Variants in TRDMT1 observed in about 807,000 individuals in gnomAD.
TRDMT1 encodes tRNA (cytosine(38)-C(5))-methyltransferase.
Under a neutral mutation model 51.2 loss-of-function variants are expected in TRDMT1, and 49 were observed. The ratio of observed to expected loss-of-function variants is 0.96; its 90% CI spans 0.76 to 1.21. The LOEUF is 1.21. Ranked by LOEUF, TRDMT1 falls within the 50% of genes most tolerant of loss-of-function variation. The probability of loss-of-function intolerance (pLI) is 0.00; values close to 1 mark genes in which losing one functional copy is unlikely to be tolerated. For synonymous variants in TRDMT1, 187 were observed against 164.6 expected (o/e 1.14, Z -1.04); for missense variants, 534 against 462.3 (o/e 1.16, Z -1.42).
At chr10:17,178,473 T>A (rs1842881008) in intron 1 of TRDMT1, among the ~76,000 whole-genome samples, 1 of 152,086 alleles carries the variant, frequency 6.6e-6, no homozygotes, top group Admixed American at 6.6e-5. Flanking sequence ...GTTCGGAGTT[T>A]GAGACCAGCC....
Position 17,148,181 on chromosome 10 carries a change from T to A in TRDMT1, c.*859A>T. The A allele has an allele frequency of 1.0e-6, 1 of 985,286 alleles. No individual in the cohort carries two copies. The highest frequency in any genetic ancestry group is 1.2e-6 in the Non-Finnish European group (1 of 829,918). The allele number at this position is 985,286 out of a possible 1,614,324, so 61.0% of individuals were successfully genotyped here. A position where few individuals can be genotyped will look rare whatever the true frequency, so the allele number is the denominator to read the frequency against. ...AAAAGTCATAAAAGTTCATTGAGAG[T>A]GTATGTTGCTACAATAAAGAACAAC... On this transcript the variant is annotated 3_prime_UTR_variant, in exon 11 of 11. Transcript: ENST00000377799.
At chr10:17,162,488 C>T (rs116171203) in intron 3 of TRDMT1, among the ~76,000 whole-genome samples, 8 of 152,272 alleles carry the variant, frequency 5.3e-5, no homozygotes, top group South Asian at 4.1e-4. Context: ...AGGTGGATCA[C>T]GTGAGGCCAG....
At position 17,139,260 on chromosome 10, in the gene TRDMT1, G is replaced by A. The variant is rs754250812; in HGVS notation, c.*9780C>T. On this transcript the variant is annotated 3_prime_UTR_variant, in exon 11 of 11. Coordinates refer to ENST00000377799, the MANE Select transcript of TRDMT1 (RefSeq NM_004412.7). ...ACCCCTAAAATTCCCCAAACAAGGC[G>A]GTGAAGTTAAATATTTAGACACCAT... The A allele has an allele frequency of 1.3e-4, 126 of 965,562 alleles. No homozygotes were observed. Among genetic ancestry groups the A allele is most frequent in the East Asian group, 3.4e-4 (3 of 8,706 alleles). The allele number at this position is 965,562 out of a possible 1,614,324, so 59.8% of individuals were successfully genotyped here.
chr10:17,189,610 G>C (rs2131595250), intron 1 of TRDMT1, among the ~76,000 whole-genome samples: 1 of 152,128 alleles, frequency 6.6e-6, no homozygotes, highest in Middle Eastern at 3.4e-3. Context: ...GAGAACACAA[G>C]AAAAACATCC....
At chr10:17,163,821 A>G (rs1055467201) in intron 3 of TRDMT1, among the ~76,000 whole-genome samples, 1 of 152,242 alleles carries the variant, frequency 6.6e-6, no homozygotes, top group East Asian at 1.9e-4. Flanking sequence ...AACCAGGAAG[A>G]AGTTGAATCT....
chr10:17,157,556 C>T lies in TRDMT1; in HGVS notation c.772G>A (p.Glu258Lys). The change falls in exon 8 of 11, where the codon GAA (glutamate) becomes AAA (lysine). Residue 258 changes from glutamate to lysine, a missense_variant. Transcript: ENST00000377799. ...LSVKMLKDFL[E>K]DDTDVNQYLL... is the part of the protein sequence containing the mutation. Reference sequence around the variant, plus strand: ...TACTGGTTCACGTCAGTGTCATCTTCAAGAAAATCTTTTAGCATTTTCACA... The same window carrying T: ...TACTGGTTCACGTCAGTGTCATCTTTAAGAAAATCTTTTAGCATTTTCACA... 6.2e-7 allele frequency: 1 copy of T among 1,614,072 alleles called. No homozygotes were observed. Among genetic ancestry groups the T allele is most frequent in the Non-Finnish European group, 8.5e-7 (1 of 1,179,968 alleles).
chr10:17,152,326 C>A (rs1006775397), intron 10 of TRDMT1, among the ~76,000 whole-genome samples: 1 of 152,014 alleles, frequency 6.6e-6, no homozygotes, highest in Non-Finnish European at 1.5e-5. Context: ...CTGGTTGCTG[C>A]GACTACACTC....
In TRDMT1 at chr10:17,141,951, G is replaced by A. The variant is rs1434973693; in HGVS notation, c.*7089C>T. 1.3e-5 allele frequency among the ~76,000 whole-genome samples: 2 copies of A among 152,132 alleles called. No homozygotes were observed. The highest frequency in any genetic ancestry group is 4.8e-5 in the African/African-American group (2 of 41,436). On this transcript the variant is annotated 3_prime_UTR_variant, in exon 11 of 11. Transcript: ENST00000377799. The stretch of plus-strand genomic sequence containing the variant: ...TGTTTTCTATTTTGGTTATTTTTCA[G>A]TTACATAACTGCCATTTATTTCTAT...
At chr10:17,168,958 C>A (rs752813541) in intron 2 of TRDMT1, 41 bp from the exon 3 acceptor site, 17 of 1,356,546 alleles carry the variant, frequency 1.3e-5, no homozygotes, top group East Asian at 2.3e-5. Flanking sequence ...AACATAAAAA[C>A]ATGGATAGAA....
At chr10:17,176,868 T>C (rs955620710) in intron 1 of TRDMT1, among the ~76,000 whole-genome samples, 8 of 152,172 alleles carry the variant, frequency 5.3e-5, no homozygotes, top group African/African-American at 1.9e-4. Context: ...GTTACATATA[T>C]AGATTTTGAA....
intron 1 of TRDMT1, among the ~76,000 whole-genome samples, chr10:17,194,781 A>G (rs753649776): frequency 3.9e-5 from 6 of 151,948 alleles, no homozygotes; most frequent in Non-Finnish European, 7.4e-5. Flanking sequence ...AAAAATACAA[A>G]AATTAGCCAA....
rs544968150 is a variant in TRDMT1 at position 17,194,659 on chromosome 10, G to A, written c.64+6912C>T. Among the ~76,000 whole-genome samples the A allele has an allele frequency of 9.1e-4, 139 of 152,060 alleles. 1 individual carries two copies. Among genetic ancestry groups the A allele is most frequent in the African/African-American group, 3.1e-3 (128 of 41,494 alleles). On this transcript the variant is annotated intron_variant, in intron 1 of 10. Transcript: ENST00000377799. ...TTAAAAAGTCAATAAAAAGCTAGGC[G>A]TGATGGCTCATGCCTGTAATCCCAG...
chr10:17,193,323 ACTGCACTCC>A (rs368959812), intron 1 of TRDMT1, among the ~76,000 whole-genome samples: 43,179 of 151,918 alleles, frequency 0.28, 6,354 homozygotes, highest in Middle Eastern at 0.38. Context: ...AGATTAAGCC[ACTGCACTCC>A]ACCCTGGGTG....
Position 17,142,654 on chromosome 10 carries a change from T to A in TRDMT1, c.*6386A>T, listed in dbSNP as rs1201760535. 6.6e-6 allele frequency: 1 copy of A among 152,272 alleles called. No homozygotes were observed. Among genetic ancestry groups the A allele is most frequent in the Non-Finnish European group, 1.5e-5 (1 of 68,092 alleles). 9.4% of individuals were successfully genotyped at this position (152,272 alleles called of 1,614,324 possible). A position where few individuals can be genotyped will look rare whatever the true frequency, so the allele number is the denominator to read the frequency against. On this transcript the variant is annotated 3_prime_UTR_variant, in exon 11 of 11. Transcript: ENST00000377799. ...CCGTGCTGGTAGAGCCAGACTCATCTGGTATTACCGACCAGACTTCAGTTC... is the reference window on the plus strand; with the variant it reads ...CCGTGCTGGTAGAGCCAGACTCATCAGGTATTACCGACCAGACTTCAGTTC...
chr10:17,147,190 A>T lies in TRDMT1; in HGVS notation c.*1850T>A, dbSNP rs1244489695. The T allele has an allele frequency of 4.1e-6, 4 of 985,768 alleles. No individual in the cohort carries two copies. In the African/African-American group the frequency reaches 7.0e-5, roughly 17 times the overall value. The allele number at this position is 985,768 out of a possible 1,614,324, so 61.1% of individuals were successfully genotyped here. A position where few individuals can be genotyped will look rare whatever the true frequency, so the allele number is the denominator to read the frequency against. ...TATTTAGAATATTTCAGCAGTGAACAGAACCTACATGAAAGTGTGCCAAAA... is the reference window on the plus strand; with the variant it reads ...TATTTAGAATATTTCAGCAGTGAACTGAACCTACATGAAAGTGTGCCAAAA... On this transcript the variant is annotated 3_prime_UTR_variant, in exon 11 of 11. Transcript: ENST00000377799.
chr10:17,192,554 G>C (rs1256619294), intron 1 of TRDMT1, among the ~76,000 whole-genome samples: 1 of 152,158 alleles, frequency 6.6e-6, no homozygotes, highest in Non-Finnish European at 1.5e-5. Flanking sequence ...ACGCACTAAG[G>C]AGCACTGTTT....
chr10:17,184,659 G>A (rs1718343433), intron 1 of TRDMT1, among the ~76,000 whole-genome samples: 1 of 152,070 alleles, frequency 6.6e-6, no homozygotes. Context: ...TAAAAGGAGA[G>A]TTAAGTTTTA....
intron 1 of TRDMT1, among the ~76,000 whole-genome samples, chr10:17,175,905 T>A (rs915254184): frequency 2.6e-5 from 4 of 152,132 alleles, no homozygotes; most frequent in African/African-American, 9.7e-5. Flanking sequence ...TCAGCAGGTA[T>A]CCTGCTGAAA....
intron 1 of TRDMT1, among the ~76,000 whole-genome samples, chr10:17,195,220 G>C (rs940784420): frequency 6.6e-6 from 1 of 152,002 alleles, no homozygotes; most frequent in South Asian, 2.1e-4. Context: ...CATCAATGGC[G>C]GACTGAATTA....
Sources: gnomAD v4.1 joint callset for allele counts (sites outside exome capture counted in the v4.1 genomes callset) on GRCh38, gnomAD v4.1.1 for gene constraint, MANE v1.5 for transcripts, NCBI Gene and HGNC (gene_info 2026-07-23, HGNC 2026-07-21) for gene names.